The following RARB variants were observed in gnomAD, a reference collection of about 807,000 sequenced individuals.
The protein encoded by RARB is HBV-activated protein.
RARB carries 17 observed loss-of-function variants against 51.9 expected under a neutral mutation model. That is an observed-to-expected ratio of 0.33 (90% CI 0.22 to 0.49). The LOEUF is 0.49. RARB is among the 20% of genes least tolerant of loss of function. The probability of loss-of-function intolerance (pLI) is 0.99; values close to 1 mark genes in which losing one functional copy is unlikely to be tolerated. For missense variants in RARB, 369 were observed against 550.8 expected (o/e 0.67, Z 3.30); for synonymous variants, 215 against 195.4 (o/e 1.10, Z -0.84).
At chr3:24,994,873 C>G (rs1696989749) in intron 2 of RARB, among the ~76,000 whole-genome samples, 1 of 152,004 alleles carries the variant, frequency 6.6e-6, no homozygotes, top group African/African-American at 2.4e-5. Context: ...CATGCCAGTA[C>G]AATGCTATTT....
At chr3:25,264,971 T>A (rs146483359) in intron 5 of RARB, among the ~76,000 whole-genome samples, 17 of 152,306 alleles carry the variant, frequency 1.1e-4, no homozygotes, top group East Asian at 9.7e-4. Flanking sequence ...GAGGTACTTA[T>A]GTCACACAGA....
intron 4 of RARB, among the ~76,000 whole-genome samples, chr3:25,163,504 A>AAAAAAAAAAAAAAAAATATATATAT (rs1303712411): frequency 2.6e-4 from 34 of 131,062 alleles, no homozygotes; most frequent in African/African-American, 1.0e-3. Flanking sequence ...CCTATCTCAA[A>AAAAAAAAAAAAAAAAATATATATAT]ATATATATAT....
chr3:25,026,602 G>A (rs1177367503), intron 2 of RARB, among the ~76,000 whole-genome samples: 1 of 147,510 alleles, frequency 6.8e-6, no homozygotes, highest in Non-Finnish European at 1.5e-5. Flanking sequence ...TTACCTCTTT[G>A]AAGGCCCAAT....
intron 1 of RARB, among the ~76,000 whole-genome samples, chr3:25,435,793 T>C (rs993768581): frequency 6.6e-6 from 1 of 152,252 alleles, no homozygotes. Context: ...GTCTTTGGAA[T>C]GGATGATTTC....
At chr3:25,258,911 A>C (rs942243949) in intron 5 of RARB, 2 of 267,662 alleles carry the variant, frequency 7.5e-6, no homozygotes, top group Non-Finnish European at 1.1e-5. Context: ...ACCTCTCTTA[A>C]GGACCCAAAT....
intron 3 of RARB, among the ~76,000 whole-genome samples, chr3:25,065,336 T>C (rs1017167579): frequency 2.0e-5 from 3 of 152,220 alleles, no homozygotes; most frequent in African/African-American, 4.8e-5. Context: ...AAACTCGTTA[T>C]CAGGTTAATA....
At chr3:25,123,625 C>A (rs746890996) in intron 3 of RARB, among the ~76,000 whole-genome samples, 1 of 152,176 alleles carries the variant, frequency 6.6e-6, no homozygotes, top group Non-Finnish European at 1.5e-5. Context: ...CCTTATGTTT[C>A]TCCTTGCAAA....
intron 5 of RARB, among the ~76,000 whole-genome samples, chr3:25,413,116 C>A (rs534486011): frequency 1.3e-5 from 2 of 152,106 alleles, no homozygotes; most frequent in South Asian, 2.1e-4. Flanking sequence ...AAAACATAAC[C>A]AGTATCCTCA....
intron 3 of RARB, among the ~76,000 whole-genome samples, chr3:25,548,591 T>C (rs58881082): frequency 2.7e-5 from 4 of 146,852 alleles, no homozygotes; most frequent in Non-Finnish European, 1.5e-5. Context: ...GATGTTTTTT[T>C]CCTGCTGATG....
intron 5 of RARB, among the ~76,000 whole-genome samples, chr3:25,588,842 A>G (rs1160150560): frequency 6.6e-6 from 1 of 152,202 alleles, no homozygotes; most frequent in African/African-American, 2.4e-5. Context: ...TAGCTTCCCC[A>G]GAGCAAGAGA....
rs1051404498 is a variant in RARB, at chr3:24,937,581, A to G, written c.-380+78829A>G. Among the ~76,000 whole-genome samples, 5 of 152,304 alleles carry G rather than the reference A, an allele frequency of 3.3e-5. 1 individual carries two copies. Among genetic ancestry groups the G allele is most frequent in the Admixed American group, 6.5e-5 (1 of 15,296 alleles). On this transcript the variant is annotated intron_variant, in intron 2 of 11. Transcript: ENST00000383772. ...AAAGAGGAAGGCAGGGAAGCAAACAAGCAAAGCAGTAGCGTGCGATACGGG... is the reference window on the plus strand; with the variant it reads ...AAAGAGGAAGGCAGGGAAGCAAACAGGCAAAGCAGTAGCGTGCGATACGGG...
chr3:25,142,174 A>C (rs1700117726), intron 4 of RARB, among the ~76,000 whole-genome samples: 2 of 152,288 alleles, frequency 1.3e-5, no homozygotes, highest in Admixed American at 1.3e-4. Flanking sequence ...TCTACTAAAA[A>C]AGCACAAAAA....
intron 3 of RARB, among the ~76,000 whole-genome samples, chr3:25,081,490 G>C (rs1349272685): frequency 1.4e-5 from 2 of 147,046 alleles, no homozygotes; most frequent in East Asian, 2.0e-4. Flanking sequence ...TTTACTTGAT[G>C]TATCAGCTCC....
At chr3:25,581,053 C>T (rs1701153424) in intron 5 of RARB, among the ~76,000 whole-genome samples, 2 of 152,132 alleles carry the variant, frequency 1.3e-5, no homozygotes, top group South Asian at 4.2e-4. Context: ...GCTCTCAGGA[C>T]CCCTGGCACC....
intron 5 of RARB, among the ~76,000 whole-genome samples, chr3:25,257,901 CAT>C (rs1702905630): frequency 6.6e-6 from 1 of 152,150 alleles, no homozygotes. Context: ...AAGCACAAAT[CAT>C]GTGTCTACTC....
chr3:25,336,557 T>C (rs1352366110), intron 5 of RARB, among the ~76,000 whole-genome samples: 1 of 152,176 alleles, frequency 6.6e-6, no homozygotes, highest in Non-Finnish European at 1.5e-5. Context: ...CCAATTCTTC[T>C]TTGAGGTTAA....
At chr3:25,350,382 C>A (rs1328891371) in intron 5 of RARB, among the ~76,000 whole-genome samples, 1 of 152,150 alleles carries the variant, frequency 6.6e-6, no homozygotes, top group Non-Finnish European at 1.5e-5. Context: ...TCAGGATGAA[C>A]AATAGTGCTT....
At chr3:25,045,361 G>T (rs1698192643) in intron 2 of RARB, among the ~76,000 whole-genome samples, 2 of 152,144 alleles carry the variant, frequency 1.3e-5, no homozygotes, top group Admixed American at 1.3e-4. Context: ...GAGACAGGAG[G>T]GGGGTTTATC....
rs192172838 is a variant in RARB at position 24,938,714 on chromosome 3, A to T, written c.-380+79962A>T. Among the ~76,000 whole-genome samples, 8 of 152,282 alleles carry T rather than the reference A, an allele frequency of 5.3e-5. No homozygotes were observed. In the East Asian group the frequency reaches 1.5e-3, roughly 29 times the overall value. The stretch of plus-strand genomic sequence containing the variant: ...ACAGAAGCTGTGTACCCATTAAGTG[A>T]ATCTACATTCTCCCCGCCCTCAGTC... On this transcript the variant is annotated intron_variant, in intron 2 of 11. Transcript: ENST00000383772.
Sources: gnomAD v4.1 joint callset for allele counts (sites outside exome capture counted in the v4.1 genomes callset) on GRCh38, gnomAD v4.1.1 for gene constraint, MANE v1.5 for transcripts, NCBI Gene and HGNC (gene_info 2026-07-23, HGNC 2026-07-21) for gene names.